PRKN: variants seen among roughly 807,000 people sequenced by gnomAD.
PRKN encodes E3 ubiquitin-protein ligase parkin.
Under a neutral mutation model 59.5 loss-of-function variants are expected in PRKN, and 56 were observed. The observed-to-expected ratio is 0.94, with a 90% confidence interval of 0.76 to 1.18. PRKN has a LOEUF of 1.18. PRKN is among the 50% of genes most tolerant of loss of function. PRKN has a pLI of 0.00. For synonymous variants in PRKN, 250 were observed against 222.1 expected (o/e 1.13, Z -1.12); for missense variants, 657 against 596.4 (o/e 1.10, Z -1.06).
At chr6:162,069,008 G>T (rs147705792) in intron 4 of PRKN, among the ~76,000 whole-genome samples, 2 of 152,122 alleles carry the variant, frequency 1.3e-5, no homozygotes, top group African/African-American at 4.8e-5. Flanking sequence ...GTTTAGGTAC[G>T]TGAATATTTG....
At chr6:161,565,777 C>T (rs552478438) in intron 8 of PRKN, among the ~76,000 whole-genome samples, 9 of 152,242 alleles carry the variant, frequency 5.9e-5, no homozygotes, top group South Asian at 2.1e-4. Flanking sequence ...AACTCTTCCC[C>T]GATCTGTACT....
At chr6:162,132,835 C>A (rs1404939269) in intron 4 of PRKN, among the ~76,000 whole-genome samples, 1 of 152,072 alleles carries the variant, frequency 6.6e-6, no homozygotes, top group Non-Finnish European at 1.5e-5. Flanking sequence ...GGCAGAGAAA[C>A]CATCTTAGAG....
chr6:161,370,964 G>C (rs907980803), intron 10 of PRKN, among the ~76,000 whole-genome samples: 2 of 152,152 alleles, frequency 1.3e-5, no homozygotes. Flanking sequence ...CAAGCAGGTG[G>C]GCCAGTTGAG....
At chr6:162,588,018 T>G (rs557335681) in intron 1 of PRKN, among the ~76,000 whole-genome samples, 23 of 151,648 alleles carry the variant, frequency 1.5e-4, no homozygotes, top group Admixed American at 7.9e-4. Flanking sequence ...TTTGAGTTTT[T>G]TTTTTTTTTT....
chr6:162,324,233 A>G (rs180687725), intron 2 of PRKN, among the ~76,000 whole-genome samples: 29 of 152,270 alleles, frequency 1.9e-4, no homozygotes, highest in Admixed American at 1.6e-3. Context: ...GACAATGCAA[A>G]CTAATCTAGA....
chr6:161,798,889 C>T (rs9458377), intron 6 of PRKN, among the ~76,000 whole-genome samples: 3,468 of 152,258 alleles, frequency 0.023, 141 homozygotes, highest in African/African-American at 0.08. Flanking sequence ...CTGGGTCAGG[C>T]GCCCCTCCAC....
intron 1 of PRKN, among the ~76,000 whole-genome samples, chr6:162,610,887 C>G (rs535171497): frequency 6.6e-6 from 1 of 152,034 alleles, no homozygotes; most frequent in Non-Finnish European, 1.5e-5. Context: ...TACATAGGTT[C>G]AATGACAAAA....
chr6:161,509,644 G>A (rs1057093676), intron 9 of PRKN, among the ~76,000 whole-genome samples: 26 of 150,214 alleles, frequency 1.7e-4, no homozygotes, highest in African/African-American at 6.4e-4. Flanking sequence ...CTTGGTGAGA[G>A]GCCGAGGAGG....
chr6:161,528,045 T>G (rs544583117), intron 9 of PRKN, among the ~76,000 whole-genome samples: 3 of 152,226 alleles, frequency 2.0e-5, no homozygotes, highest in Non-Finnish European at 4.4e-5. Context: ...AATCTTTTCT[T>G]CCTTCAAAAT....
At chr6:162,297,190 G>C (rs201265822) in intron 2 of PRKN, among the ~76,000 whole-genome samples, 2 of 56,336 alleles carry the variant, frequency 3.6e-5, no homozygotes, top group Admixed American at 3.5e-4. Context: ...TTTTTTTTTT[G>C]TAAGCATCTT....
At chr6:161,631,802 A>G (rs1442685691) in intron 7 of PRKN, among the ~76,000 whole-genome samples, 1 of 144,418 alleles carries the variant, frequency 6.9e-6, no homozygotes, top group African/African-American at 2.6e-5. Flanking sequence ...CACCCCACAC[A>G]CACACATTCC....
rs77322401 is a variant in PRKN, at chr6:161,377,237, G to A, written c.1167+9557C>T. Reference sequence around the variant, plus strand: ...CGCTACCGAGCCCTGTGGAGTTGGAGCATCTGTGCAGCAATTGTCATAAGA... The same window carrying A: ...CGCTACCGAGCCCTGTGGAGTTGGAACATCTGTGCAGCAATTGTCATAAGA... On this transcript the variant is annotated intron_variant, in intron 10 of 11. Coordinates refer to ENST00000366898, the MANE Select transcript of PRKN (RefSeq NM_004562.3). The surrounding 1 kb of genome is among the most constrained non-coding windows in gnomAD (Gnocchi z 4.2). Among the ~76,000 whole-genome samples the A allele has an allele frequency of 0.016, 2,434 of 152,352 alleles. 79 individuals are homozygous for A. Among genetic ancestry groups the A allele is most frequent in the African/African-American group, 0.055 (2,273 of 41,584 alleles).
In PRKN at chr6:161,378,061, C is replaced by T. The variant is rs975667788; in HGVS notation, c.1167+8733G>A. 1.3e-4 allele frequency among the ~76,000 whole-genome samples: 20 copies of T among 152,130 alleles called. No individual in the cohort carries two copies. Among genetic ancestry groups the T allele is most frequent in the Admixed American group, 4.6e-4 (7 of 15,278 alleles). ...ATACAAGCTCCTAAGCAGTGGCAAA[C>T]GTCTTGGCAGCCTCTTTAAGGGCAG... On this transcript the variant is annotated intron_variant, in intron 10 of 11. Coordinates refer to ENST00000366898, the MANE Select transcript of PRKN (RefSeq NM_004562.3). The surrounding 1 kb of genome is among the most constrained non-coding windows in gnomAD (Gnocchi z 7.3).
chr6:162,256,787 G>A (rs1393632248), intron 3 of PRKN, among the ~76,000 whole-genome samples: 1 of 152,156 alleles, frequency 6.6e-6, no homozygotes, highest in Non-Finnish European at 1.5e-5. Context: ...AGGCCTCATG[G>A]AGTCTTGAAT....
At chr6:162,492,956 CAAAAAAAAA>C (rs34716532) in intron 1 of PRKN, among the ~76,000 whole-genome samples, 1 of 110,324 alleles carries the variant, frequency 9.1e-6, no homozygotes, top group East Asian at 2.9e-4. Context: ...TTGTCTCAAA[CAAAAAAAAA>C]AAAAAAAAAA....
At chr6:162,274,153 T>TTTAATTAATTAA (rs553675371) in intron 2 of PRKN, among the ~76,000 whole-genome samples, 3 of 150,662 alleles carry the variant, frequency 2.0e-5, no homozygotes, top group African/African-American at 7.5e-5. Flanking sequence ...CTTCTTGTAA[T>TTTAATTAATTAA]TTAATTAATT....
intron 6 of PRKN, among the ~76,000 whole-genome samples, chr6:161,965,615 T>C (rs1320037300): frequency 8.6e-5 from 13 of 152,034 alleles, no homozygotes; most frequent in Non-Finnish European, 1.5e-5. Context: ...CCTGAGAACA[T>C]ACCCAAGGTG....
chr6:161,625,247 G>A (rs1217859637), intron 7 of PRKN, among the ~76,000 whole-genome samples: 1 of 152,194 alleles, frequency 6.6e-6, no homozygotes, highest in East Asian at 1.9e-4. Flanking sequence ...AAAAGGATGA[G>A]TTCATGTCCT....
intron 2 of PRKN, among the ~76,000 whole-genome samples, chr6:162,422,227 A>G (rs1789006562): frequency 6.6e-6 from 1 of 152,242 alleles, no homozygotes. Flanking sequence ...GCATGAAAGT[A>G]TATTTAGAAA....
Sources: allele counts gnomAD v4.1 joint callset (sites outside exome capture counted in the v4.1 genomes callset), GRCh38; gene constraint gnomAD v4.1.1; non-coding constraint Gnocchi (gnomAD v3.1); transcripts MANE v1.5; gene names NCBI Gene and HGNC (gene_info 2026-07-23, HGNC 2026-07-21).